The following HEPH variants were observed in gnomAD, a reference collection of about 807,000 sequenced individuals.
HEPH encodes the protein hephaestin.
In HEPH, 69 loss-of-function variants were observed where a neutral mutation model predicts 80.8. That is an observed-to-expected ratio of 0.85 (90% CI 0.70 to 1.04). The LOEUF is 1.04. HEPH is among the 50% of genes least tolerant of loss of function. The probability of loss-of-function intolerance (pLI) is 0.00; values close to 1 mark genes in which losing one functional copy is unlikely to be tolerated. For missense variants in HEPH, 1,115 were observed against 891.3 expected (o/e 1.25, Z -3.20); for synonymous variants, 431 against 322.8 (o/e 1.34, Z -3.60).
chrX:66,230,288 C>T (rs1220148830), intron 15 of HEPH, among the ~76,000 whole-genome samples: 1 of 96,075 alleles, frequency 1.0e-5, no homozygotes, highest in African/African-American at 4.5e-5. Flanking sequence ...TGGGTATATA[C>T]CCAGTAATGG....
At chrX:66,197,527 T>C (rs1242738633) in intron 9 of HEPH, among the ~76,000 whole-genome samples, 156 bp from the exon 10 acceptor site, 1 of 112,059 alleles carries the variant, frequency 8.9e-6, no homozygotes, top group Non-Finnish European at 1.9e-5. Flanking sequence ...ATCTCTTGAC[T>C]CCTTGACCAG....
At position 66,260,100 on chromosome X, in the gene HEPH, A is replaced by C. The variant is rs1362853859; in HGVS notation, c.3037A>C (p.Asn1013His). 2 of 1,205,615 alleles carry C rather than the reference A, an allele frequency of 1.7e-6. No individual in the cohort carries two copies. Among genetic ancestry groups the C allele is most frequent in the South Asian group, 3.5e-5 (2 of 56,671 alleles). Residue 1013 changes from asparagine to histidine, a missense_variant and splice_region_variant, in exon 19 of 21, where the codon AAT becomes CAT. By Grantham distance (68) the Asn-to-His change is moderately conservative. Transcript: ENST00000343002. Reference protein sequence around the residue: ...HFHAESFLYRNGENYRADVVD... With the variant: ...HFHAESFLYRHGENYRADVVD... Reference sequence around the variant, plus strand: ...CCCTCATTCCCAATCTCTCTTGCAGAATGGCGAGAACTACCGGGCAGATGT... The same window carrying C: ...CCCTCATTCCCAATCTCTCTTGCAGCATGGCGAGAACTACCGGGCAGATGT...
chrX:66,223,995 C>A (rs1483575511), intron 15 of HEPH, among the ~76,000 whole-genome samples: 1 of 111,121 alleles, frequency 9.0e-6, no homozygotes, highest in African/African-American at 3.3e-5. Context: ...ACAAACATTT[C>A]TTTCTTTAAA....
intron 4 of HEPH, 109 bp downstream of exon 4, chrX:66,173,910 C>G (rs977572667): frequency 2.1e-6 from 1 of 465,424 alleles, no homozygotes; most frequent in African/African-American, 2.4e-5. Flanking sequence ...AGTGCTAATT[C>G]AGCACTCTTG....
intron 15 of HEPH, among the ~76,000 whole-genome samples, chrX:66,249,141 C>G (rs2090920255): frequency 9.0e-6 from 1 of 111,114 alleles, no homozygotes; most frequent in Non-Finnish European, 1.9e-5. Context: ...CCCTCTGAGG[C>G]TCAAGGGCTT....
chrX:66,186,507 A>G (rs964916009), intron 4 of HEPH, among the ~76,000 whole-genome samples: 20 of 112,093 alleles, frequency 1.8e-4, no homozygotes, highest in African/African-American at 6.5e-4. Context: ...CAGAAAGGGA[A>G]CTCCCTGACC....
chrX:66,203,915 A>T (rs2088619511), intron 13 of HEPH, among the ~76,000 whole-genome samples: 1 of 112,697 alleles, frequency 8.9e-6, no homozygotes, highest in African/African-American at 3.2e-5. Flanking sequence ...ACAAAATGGC[A>T]TTGCATTTAT....
At chrX:66,220,100 G>A (rs1221648778) in intron 15 of HEPH, among the ~76,000 whole-genome samples, 2 of 111,172 alleles carry the variant, frequency 1.8e-5, no homozygotes, top group Non-Finnish European at 3.8e-5. Context: ...TTATCAGGGT[G>A]ATTCTTTTGA....
chrX:66,175,862 C>T (rs1169491793), intron 4 of HEPH, among the ~76,000 whole-genome samples: 1 of 111,851 alleles, frequency 8.9e-6, no homozygotes, highest in Admixed American at 9.5e-5. Flanking sequence ...GTACATTAAT[C>T]TTATATCCAG....
chrX:66,224,682 C>T (rs914355611), intron 15 of HEPH, among the ~76,000 whole-genome samples: 2 of 112,124 alleles, frequency 1.8e-5, no homozygotes, highest in African/African-American at 6.5e-5. Flanking sequence ...TCTGGATATG[C>T]CCTTGTTTAC....
intron 15 of HEPH, among the ~76,000 whole-genome samples, chrX:66,233,415 G>T (rs2090235827): frequency 9.0e-6 from 1 of 111,266 alleles, no homozygotes; most frequent in Non-Finnish European, 1.9e-5. Flanking sequence ...CTGTGAGGAG[G>T]CTTTGTAGTG....
rs752767496 is a variant in HEPH, at chrX:66,256,098, T to C, written c.2671-7T>C. 1 of 1,189,708 alleles carries C rather than the reference T, an allele frequency of 8.4e-7. No individual in the cohort carries two copies. Among genetic ancestry groups the C allele is most frequent in the Non-Finnish European group, 1.1e-6 (1 of 879,334 alleles). ...TTTCTCTCTCTCCCACTTCCTCCCTTCCTCAGGACATGTATAGTGGCCTGG... is the reference window on the plus strand; with the variant it reads ...TTTCTCTCTCTCCCACTTCCTCCCTCCCTCAGGACATGTATAGTGGCCTGG... On this transcript the variant is annotated splice_polypyrimidine_tract_variant and splice_region_variant and intron_variant, in intron 16 of 20. Coordinates refer to ENST00000343002, the MANE Select transcript of HEPH (RefSeq NM_001367233.3).
chrX:66,261,499 C>T (rs207478385), intron 19 of HEPH, among the ~76,000 whole-genome samples: 3 of 108,096 alleles, frequency 2.8e-5, no homozygotes, highest in African/African-American at 1.0e-4. Flanking sequence ...TCCAAGAAGC[C>T]CTGTAGAGCC....
intron 15 of HEPH, among the ~76,000 whole-genome samples, chrX:66,233,979 C>T (rs2090258477): frequency 1.8e-5 from 2 of 110,966 alleles, no homozygotes; most frequent in East Asian, 2.8e-4. Flanking sequence ...GTGTCATGGA[C>T]ATTTGTTGTA....
rs1003843878 is a variant in HEPH at position 66,193,408 on chromosome X, T to C, written c.1233-94T>C. 44 of 550,470 alleles carry C rather than the reference T, an allele frequency of 8.0e-5. No homozygotes were observed. In the African/African-American group the frequency reaches 9.1e-4, roughly 11 times the overall value. 45.4% of individuals were successfully genotyped at this position (550,470 alleles called of 1,213,427 possible). A position where few individuals can be genotyped will look rare whatever the true frequency, so the allele number is the denominator to read the frequency against. On this transcript the variant is annotated intron_variant, in intron 7 of 20. Coordinates refer to ENST00000343002, the MANE Select transcript of HEPH (RefSeq NM_001367233.3). ...GATGAGCTCTGAGGTCCTTCCTAAA[T>C]ATAAAGATTCATAACTTGGTGAGAC...
Position 66,172,445 on chromosome X carries a change from C to G in HEPH, c.258C>G (p.Tyr86Ter), listed in dbSNP as rs2086631455. The part of the protein sequence containing the change: ...TIYKEYKDDS[Y>*]TDEVAQPAWL... ...ATAAAGAATACAAGGATGACTCATA[C>G]ACAGATGAAGTGGCCCAGCCTGCCT... The change falls in exon 3 of 21, where the codon TAC becomes TAG. Residue 86 changes from tyrosine to a stop codon, truncating the protein, a stop_gained. Transcript: ENST00000343002. LOFTEE classifies it high-confidence loss of function. The G allele has an allele frequency of 8.3e-7, 1 of 1,207,812 alleles. No individual in the cohort carries two copies.
intron 15 of HEPH, among the ~76,000 whole-genome samples, chrX:66,217,213 G>T (rs749463558): frequency 5.4e-5 from 6 of 111,124 alleles, no homozygotes; most frequent in Admixed American, 3.8e-4. Context: ...ACAGATCGTT[G>T]CCTAGGTACA....
At chrX:66,194,177 G>A (rs1185641513) in intron 8 of HEPH, among the ~76,000 whole-genome samples, 2 of 111,421 alleles carry the variant, frequency 1.8e-5, no homozygotes, top group African/African-American at 6.5e-5. Context: ...AAATAAAATA[G>A]GCCAGATGGA....
At chrX:66,164,093 C>T (rs768803994), upstream of HEPH, 1 of 356,143 alleles carries the variant, frequency 2.8e-6, no homozygotes, top group East Asian at 2.1e-4. Context: ...GTTCTCCTCT[C>T]AGCAAAGACC....
Sources: gnomAD v4.1 joint callset for allele counts (sites outside exome capture counted in the v4.1 genomes callset) on GRCh38, gnomAD v4.1.1 for gene constraint, MANE v1.5 for transcripts, NCBI Gene and HGNC (gene_info 2026-07-23, HGNC 2026-07-21) for gene names.